Variants in SGCZ observed in about 807,000 individuals in gnomAD.
SGCZ encodes the protein zeta-sarcoglycan.
In SGCZ, 40 loss-of-function variants were observed where a neutral mutation model predicts 41.3. The observed-to-expected ratio is 0.97, with a 90% confidence interval of 0.75 to 1.26. The LOEUF (loss-of-function observed/expected upper bound fraction) is 1.26, where lower values mean the gene tolerates loss of function less well. Among genes scored for constraint, SGCZ ranks in the 50% most tolerant of loss-of-function variants. The pLI, the probability that SGCZ is intolerant of heterozygous loss-of-function variation, is 0.00. For synonymous variants in SGCZ, 206 were observed against 137.5 expected (o/e 1.50, Z -3.49); for missense variants, 552 against 369.8 (o/e 1.49, Z -4.04).
intron 1 of SGCZ, among the ~76,000 whole-genome samples, chr8:14,893,174 G>T (rs1324500332): frequency 1.3e-5 from 2 of 152,090 alleles, no homozygotes; most frequent in Non-Finnish European, 2.9e-5. Flanking sequence ...CTTTCCAGTT[G>T]GGGTTCACAG....
In SGCZ at chr8:14,446,548, T is replaced by C. The variant is rs573341073; in HGVS notation, c.234+108184A>G. On this transcript the variant is annotated intron_variant, in intron 2 of 7. Coordinates refer to ENST00000382080, the MANE Select transcript of SGCZ (RefSeq NM_139167.4). ...ACAATATTCAGAAGTTTGTTTTCCA[T>C]AACAATACTAAGTCAATTTAGAAAG... Among the ~76,000 whole-genome samples the C allele has an allele frequency of 8.5e-5, 13 of 152,304 alleles. 1 individual carries two copies. In the South Asian group the frequency reaches 2.7e-3, roughly 32 times the overall value.
intron 1 of SGCZ, among the ~76,000 whole-genome samples, chr8:14,916,868 AC>A (rs1398841658): frequency 2.6e-5 from 4 of 152,170 alleles, no homozygotes; most frequent in African/African-American, 7.2e-5. Flanking sequence ...TTTAAAAAAA[AC>A]AATGTTTATT....
chr8:14,193,570 C>G (rs1805173835), intron 4 of SGCZ, among the ~76,000 whole-genome samples: 1 of 152,012 alleles, frequency 6.6e-6, no homozygotes, highest in Non-Finnish European at 1.5e-5. Flanking sequence ...TCAGGCTGCT[C>G]TCTACAATAA....
intron 1 of SGCZ, among the ~76,000 whole-genome samples, chr8:14,934,944 A>G (rs1309035682): frequency 6.6e-6 from 1 of 151,276 alleles, no homozygotes; most frequent in East Asian, 1.9e-4. Flanking sequence ...TAATCCTTCA[A>G]AGCCCCTCAA....
At chr8:15,231,824 G>C (rs557756568) in intron 1 of SGCZ, among the ~76,000 whole-genome samples, 1 of 152,124 alleles carries the variant, frequency 6.6e-6, no homozygotes, top group South Asian at 2.1e-4. Context: ...GTTTCACCGT[G>C]TTGGCCAGGC....
intron 1 of SGCZ, among the ~76,000 whole-genome samples, chr8:14,632,802 A>C (rs1263688544): frequency 6.6e-6 from 1 of 152,032 alleles, no homozygotes; most frequent in Non-Finnish European, 1.5e-5. Context: ...CTATAAGATA[A>C]AGGGGAGAAA....
intron 2 of SGCZ, among the ~76,000 whole-genome samples, chr8:14,553,521 T>C (rs1473520979): frequency 6.6e-6 from 1 of 152,060 alleles, no homozygotes; most frequent in Non-Finnish European, 1.5e-5. Flanking sequence ...GGAAAAAAAA[T>C]GGAACCGTGG....
At chr8:14,401,688 T>C (rs565597065) in intron 2 of SGCZ, among the ~76,000 whole-genome samples, 5 of 151,822 alleles carry the variant, frequency 3.3e-5, no homozygotes, top group African/African-American at 7.3e-5. Context: ...AGTCTATCAT[T>C]GTTGGACATT....
At chr8:14,642,473 A>T (rs549462247) in intron 1 of SGCZ, among the ~76,000 whole-genome samples, 1 of 151,470 alleles carries the variant, frequency 6.6e-6, no homozygotes, top group East Asian at 1.9e-4. Context: ...TATGTAAGGT[A>T]ACTTACTATA....
chr8:14,414,520 A>G (rs1799444382), intron 2 of SGCZ, among the ~76,000 whole-genome samples: 1 of 151,928 alleles, frequency 6.6e-6, no homozygotes, highest in African/African-American at 2.4e-5. Context: ...AAATTAAAAG[A>G]CCAACATTCA....
chr8:15,237,556 C>A, intron 1 of SGCZ, 29 bp downstream of exon 1: 1 of 1,583,092 alleles, frequency 6.3e-7, no homozygotes, highest in East Asian at 2.3e-5. Context: ...CGAGAAGCGG[C>A]CGCGAAGCCC....
At chr8:14,967,631 G>C (rs1488276157) in intron 1 of SGCZ, among the ~76,000 whole-genome samples, 3 of 152,084 alleles carry the variant, frequency 2.0e-5, no homozygotes, top group African/African-American at 7.2e-5. Flanking sequence ...CTCTCAGAAA[G>C]TACTGGTCAT....
At chr8:14,200,307 G>A (rs1406658550) in intron 4 of SGCZ, among the ~76,000 whole-genome samples, 1 of 152,154 alleles carries the variant, frequency 6.6e-6, no homozygotes, top group Non-Finnish European at 1.5e-5. Flanking sequence ...TATAGTCCAT[G>A]CATTCTCAAT....
chr8:14,193,836 T>C (rs1805182702), intron 4 of SGCZ, among the ~76,000 whole-genome samples: 1 of 151,892 alleles, frequency 6.6e-6, no homozygotes, highest in African/African-American at 2.4e-5. Context: ...TTGTAAACGC[T>C]TTTGGTTTAA....
chr8:14,907,652 G>A (rs1030841621), intron 1 of SGCZ, among the ~76,000 whole-genome samples: 9 of 152,090 alleles, frequency 5.9e-5, no homozygotes, highest in African/African-American at 1.7e-4. Flanking sequence ...GTCCAATCTG[G>A]GCAACATAGT....
At chr8:14,447,624 T>A (rs1348254135) in intron 2 of SGCZ, among the ~76,000 whole-genome samples, 1 of 152,138 alleles carries the variant, frequency 6.6e-6, no homozygotes, top group African/African-American at 2.4e-5. Context: ...CCTAAACACA[T>A]ACATTCATTA....
At chr8:14,715,784 T>C (rs1437818210) in intron 1 of SGCZ, among the ~76,000 whole-genome samples, 1 of 152,130 alleles carries the variant, frequency 6.6e-6, no homozygotes, top group Non-Finnish European at 1.5e-5. Flanking sequence ...AAGTTTATAC[T>C]TAAAATTGCC....
intron 1 of SGCZ, among the ~76,000 whole-genome samples, chr8:14,633,244 A>T (rs1877015): frequency 0.28 from 43,003 of 151,808 alleles, 7,243 homozygotes; most frequent in East Asian, 0.63. Flanking sequence ...CTGTATATAG[A>T]CAGCACAGTT....
At chr8:14,312,064 G>A (rs184371390) in intron 3 of SGCZ, among the ~76,000 whole-genome samples, 2 of 152,146 alleles carry the variant, frequency 1.3e-5, no homozygotes, top group African/African-American at 4.8e-5. Flanking sequence ...TGGGGACAAT[G>A]TTTTTTTGAA....
Sources: allele counts gnomAD v4.1 joint callset (sites outside exome capture counted in the v4.1 genomes callset), GRCh38; gene constraint gnomAD v4.1.1; transcripts MANE v1.5; gene names NCBI Gene and HGNC (gene_info 2026-07-23, HGNC 2026-07-21).